The following KCNAB1 variants were observed in gnomAD, a reference collection of about 807,000 sequenced individuals.
KCNAB1 encodes voltage-gated potassium channel subunit beta-1.
A neutral mutation model predicts 64.6 loss-of-function variants in KCNAB1; 35 were observed. That is an observed-to-expected ratio of 0.54 (90% CI 0.41 to 0.72). KCNAB1 has a LOEUF of 0.72. Ranked by LOEUF, KCNAB1 falls within the 30% of genes least tolerant of loss-of-function variation. The pLI, the probability that KCNAB1 is intolerant of heterozygous loss-of-function variation, is 0.00. For synonymous variants in KCNAB1, 177 were observed against 183.8 expected (o/e 0.96, Z 0.30); for missense variants, 401 against 512.9 (o/e 0.78, Z 2.11).
intron 9 of KCNAB1, 31 bp from the exon 10 acceptor site, chr3:156,515,069 T>A (rs986139351): frequency 2.5e-6 from 4 of 1,577,784 alleles, no homozygotes; most frequent in Non-Finnish European, 3.4e-6. Context: ...CTCATCAGTA[T>A]AAATTTGGTT....
At chr3:156,477,742 T>A (rs1355897914) in intron 8 of KCNAB1, among the ~76,000 whole-genome samples, 2 of 152,136 alleles carry the variant, frequency 1.3e-5, no homozygotes, top group African/African-American at 4.8e-5. Flanking sequence ...TCTTTTCTAC[T>A]TTACTGTACC....
intron 2 of KCNAB1, among the ~76,000 whole-genome samples, chr3:156,445,133 TA>T (rs1717307184): frequency 1.3e-5 from 2 of 151,988 alleles, no homozygotes; most frequent in Admixed American, 1.3e-4. Flanking sequence ...TTGTCTCTAA[TA>T]AAAATACAAA....
chr3:156,218,819 AT>A (rs1263587306), intron 1 of KCNAB1, among the ~76,000 whole-genome samples: 1 of 147,416 alleles, frequency 6.8e-6, no homozygotes, highest in Admixed American at 6.8e-5. Context: ...ATAAAATAAA[AT>A]AAAAATAAAT....
chr3:156,263,085 T>G (rs774701994), intron 1 of KCNAB1, among the ~76,000 whole-genome samples: 3 of 151,968 alleles, frequency 2.0e-5, no homozygotes, highest in Non-Finnish European at 2.9e-5. Flanking sequence ...TAAAACCAAC[T>G]TTTGATTTTA....
chr3:156,365,271 G>A (rs2108115284), intron 1 of KCNAB1, among the ~76,000 whole-genome samples: 1 of 152,270 alleles, frequency 6.6e-6, no homozygotes, highest in Admixed American at 6.5e-5. Flanking sequence ...GGTAGTAATA[G>A]TACCTACCTC....
intron 7 of KCNAB1, among the ~76,000 whole-genome samples, chr3:156,472,934 C>G (rs552930098): frequency 1.3e-5 from 2 of 152,284 alleles, no homozygotes; most frequent in African/African-American, 4.8e-5. Flanking sequence ...AGTGCTGTAA[C>G]AGTGCCAAGT....
chr3:156,294,858 C>T (rs913936372), intron 1 of KCNAB1, among the ~76,000 whole-genome samples: 5 of 152,150 alleles, frequency 3.3e-5, no homozygotes. Context: ...ATAGCTTTCA[C>T]CAGAATTTGA....
intron 1 of KCNAB1, among the ~76,000 whole-genome samples, chr3:156,204,848 A>T (rs1714556397): frequency 6.6e-6 from 1 of 151,200 alleles, no homozygotes; most frequent in Non-Finnish European, 1.5e-5. Flanking sequence ...AACAATAACA[A>T]CAACAACAAA....
At chr3:156,374,415 TA>T in intron 1 of KCNAB1, among the ~76,000 whole-genome samples, 1 of 85,350 alleles carries the variant, frequency 1.2e-5, no homozygotes, top group African/African-American at 8.8e-5. Flanking sequence ...TGTTGAGCCA[TA>T]CCCTAGAGCA....
At chr3:156,262,111 C>G (rs1318913730) in intron 1 of KCNAB1, among the ~76,000 whole-genome samples, 1 of 151,834 alleles carries the variant, frequency 6.6e-6, no homozygotes, top group Non-Finnish European at 1.5e-5. Flanking sequence ...TACCTTGAGA[C>G]TTTCTACATA....
chr3:156,341,841 T>C (rs1337649792), intron 1 of KCNAB1, among the ~76,000 whole-genome samples: 11 of 152,216 alleles, frequency 7.2e-5, no homozygotes, highest in Admixed American at 7.2e-4. Flanking sequence ...AGCTCTGATA[T>C]TTTCTATTCT....
intron 1 of KCNAB1, among the ~76,000 whole-genome samples, chr3:156,395,470 G>T (rs943971509): frequency 1.1e-4 from 15 of 141,580 alleles, no homozygotes; most frequent in Non-Finnish European, 2.1e-4. Flanking sequence ...GCGTGAACCA[G>T]GGAGGCGGAG....
rs1718685324 is a variant in KCNAB1, at chr3:156,531,294, C to G, written c.1082-115C>G. ...AATCCTAGGAAGCACTGTACATCCT[C>G]CACAAAAAGAAGTTAATAAATTTTG... On this transcript the variant is annotated intron_variant, in intron 12 of 13. Coordinates refer to ENST00000490337, the MANE Select transcript of KCNAB1 (RefSeq NM_172160.3). 3 of 802,336 alleles carry G rather than the reference C, an allele frequency of 3.7e-6. No individual in the cohort carries two copies. The South Asian group carries it at 4.2e-5, about 11-fold the overall frequency. 49.7% of individuals were successfully genotyped at this position (802,336 alleles called of 1,614,324 possible).
At chr3:156,379,170 G>T (rs906389885) in intron 1 of KCNAB1, among the ~76,000 whole-genome samples, 1 of 152,212 alleles carries the variant, frequency 6.6e-6, no homozygotes, top group East Asian at 1.9e-4. Flanking sequence ...CCGCTGAGAA[G>T]AGTCGGGATC....
chr3:156,530,675 G>C (rs986445123), intron 12 of KCNAB1, among the ~76,000 whole-genome samples: 26 of 152,274 alleles, frequency 1.7e-4, no homozygotes, highest in African/African-American at 6.3e-4. Flanking sequence ...AAGAAGTGAG[G>C]GGTGTGAGGG....
chr3:156,254,018 C>T (rs2108468908), intron 1 of KCNAB1, among the ~76,000 whole-genome samples: 1 of 152,250 alleles, frequency 6.6e-6, no homozygotes, highest in South Asian at 2.1e-4. Flanking sequence ...TCCTCTTTTC[C>T]CTTGCTTCTG....
intron 1 of KCNAB1, among the ~76,000 whole-genome samples, chr3:156,195,939 A>T (rs1713892809): frequency 6.6e-6 from 1 of 152,164 alleles, no homozygotes; most frequent in Non-Finnish European, 1.5e-5. Context: ...TTAAGTCTTT[A>T]ATCCATCTGA....
intron 1 of KCNAB1, among the ~76,000 whole-genome samples, chr3:156,139,009 C>G (rs571294615): frequency 6.6e-6 from 1 of 152,144 alleles, no homozygotes; most frequent in Non-Finnish European, 1.5e-5. Flanking sequence ...TTGCACAGTA[C>G]TTAAATATCC....
chr3:156,285,271 A>G (rs1442500317), intron 1 of KCNAB1, among the ~76,000 whole-genome samples: 1 of 152,176 alleles, frequency 6.6e-6, no homozygotes, highest in Non-Finnish European at 1.5e-5. Flanking sequence ...CTTTAGATAA[A>G]TCTCTTATCC....
Sources: allele counts gnomAD v4.1 joint callset (sites outside exome capture counted in the v4.1 genomes callset), GRCh38; gene constraint gnomAD v4.1.1; transcripts MANE v1.5; gene names NCBI Gene and HGNC (gene_info 2026-07-23, HGNC 2026-07-21).